SGO2: variants seen among roughly 807,000 people sequenced by gnomAD.
SGO2 encodes shugoshin 2.
A neutral mutation model predicts 99.5 loss-of-function variants in SGO2; 68 were observed. The observed-to-expected ratio is 0.68, with a 90% CI of 0.56 to 0.84. The LOEUF is 0.84. Among genes scored for constraint, SGO2 ranks in the 40% least tolerant of loss-of-function variants. The pLI is 0.00. For missense variants in SGO2, 1,350 were observed against 1,436.7 expected, an observed-to-expected ratio of 0.94 and a Z score of 0.97; for synonymous variants, 457 against 487.1, an observed-to-expected ratio of 0.94 and a Z score of 0.81.
In SGO2 at chr2:200,573,560, GTAAA is replaced by G. The variant is rs2033538996; in HGVS notation, c.3219_3222del (p.Asn1073LysfsTer2). 2 of 1,606,252 alleles carry G rather than the reference GTAAA, an allele frequency of 1.2e-6. No individual in the cohort carries two copies. Among genetic ancestry groups the G allele is most frequent in the Non-Finnish European group, 8.5e-7 (1 of 1,177,850 alleles). ...AGAAGGAGAGTGTCAGGTTAAAAAG[GTAAA>G]TAAAATGACATCTAAGTCAAAGAAA... is the stretch of plus-strand genomic sequence containing the variant. On this transcript the variant is annotated frameshift_variant, in exon 7 of 9. Coordinates refer to ENST00000357799, the MANE Select transcript of SGO2 (RefSeq NM_152524.6). LOFTEE classifies it high-confidence loss of function.
chr2:200,581,935 C>G (rs2033853367), intron 8 of SGO2, among the ~76,000 whole-genome samples: 1 of 152,256 alleles, frequency 6.6e-6, no homozygotes, highest in East Asian at 1.9e-4. Flanking sequence ...ATCACACTGG[C>G]TCTGAAGAGG....
At chr2:200,565,822 A>G (rs1001807451) in intron 5 of SGO2, among the ~76,000 whole-genome samples, 3 of 152,128 alleles carry the variant, frequency 2.0e-5, no homozygotes, top group Non-Finnish European at 4.4e-5. Context: ...TTGATCTTCA[A>G]TCACTGATAC....
chr2:200,576,847 T>C (rs1184114646), intron 8 of SGO2, among the ~76,000 whole-genome samples: 1 of 152,220 alleles, frequency 6.6e-6, no homozygotes, highest in Non-Finnish European at 1.5e-5. Flanking sequence ...TTAAAGTTTC[T>C]TTCATATCAT....
chr2:200,581,589 C>G (rs751730278), intron 8 of SGO2, among the ~76,000 whole-genome samples: 1 of 152,114 alleles, frequency 6.6e-6, no homozygotes, highest in African/African-American at 2.4e-5. Flanking sequence ...CTATGATGAT[C>G]ATTCCATAAT....
rs549205022 is a variant in SGO2 at position 200,528,091 on chromosome 2, T to C, written c.-3+1839T>C. On this transcript the variant is annotated intron_variant, in intron 1 of 8. Coordinates refer to ENST00000357799, the MANE Select transcript of SGO2 (RefSeq NM_152524.6). ...GATTATTGAGCAAGAGAAAGATTAATGAAAAGGATTAGAAAGGTTCACTGA... is the reference window on the plus strand; with the variant it reads ...GATTATTGAGCAAGAGAAAGATTAACGAAAAGGATTAGAAAGGTTCACTGA... Among the ~76,000 whole-genome samples the C allele has an allele frequency of 2.9e-3, 443 of 152,284 alleles. 1 individual carries two copies. The highest frequency in any genetic ancestry group is 0.01 in the African/African-American group (420 of 41,548).
intron 4 of SGO2, among the ~76,000 whole-genome samples, chr2:200,539,321 T>C (rs1009066711): frequency 1.3e-5 from 2 of 152,150 alleles, no homozygotes; most frequent in Non-Finnish European, 2.9e-5. Context: ...GAGTAGTCTG[T>C]CATTATTCTT....
intron 1 of SGO2, among the ~76,000 whole-genome samples, chr2:200,529,594 T>C (rs1215373804): frequency 1.3e-5 from 2 of 152,202 alleles, no homozygotes; most frequent in East Asian, 3.8e-4. Context: ...TTGATCTCAC[T>C]CAGCTCACTG....
At chr2:200,536,964 A>T (rs1434077656) in intron 4 of SGO2, among the ~76,000 whole-genome samples, 3 of 152,098 alleles carry the variant, frequency 2.0e-5, no homozygotes, top group Non-Finnish European at 4.4e-5. Context: ...ATATAAAAAC[A>T]AACAAACAAA....
At chr2:200,538,882 C>CT (rs1574839264) in intron 4 of SGO2, among the ~76,000 whole-genome samples, 1 of 151,734 alleles carries the variant, frequency 6.6e-6, no homozygotes, top group Non-Finnish European at 1.5e-5. Flanking sequence ...CTGCTGAATT[C>CT]TTTTTTGCCA....
At position 200,575,347 on chromosome 2, in the gene SGO2, T is replaced by C. The variant is rs149280869; in HGVS notation, c.3668T>C (p.Phe1223Ser). Reference protein sequence around the residue: ...RPLQDLSNTSFVSNNTAESEN... With the variant: ...RPLQDLSNTSSVSNNTAESEN... ...TTACAGGACTTGTCAAATACCAGTT[T>C]TGTTTCAAATAACACTGCTGAATCT... The change falls in exon 8 of 9, where the codon TTT (phenylalanine) becomes TCT (serine). Residue 1223 changes from phenylalanine to serine, a missense_variant. Transcript: ENST00000357799. 862 of 1,605,546 alleles carry C rather than the reference T, an allele frequency of 5.4e-4. 2 individuals are homozygous for C. In the African/African-American group the frequency reaches 9.7e-3, roughly 18 times the overall value.
intron 5 of SGO2, among the ~76,000 whole-genome samples, chr2:200,558,638 G>A (rs2032814668): frequency 6.6e-6 from 1 of 150,722 alleles, no homozygotes; most frequent in African/African-American, 2.4e-5. Context: ...AATAGATTTT[G>A]TCAGGTTTTT....
chr2:200,576,224 T>C (rs1291322329), intron 8 of SGO2: 3 of 209,726 alleles, frequency 1.4e-5, no homozygotes, highest in South Asian at 9.3e-5. Flanking sequence ...GCCTTTTTTT[T>C]TTCTTTTTTC....
At chr2:200,544,735 C>CTATA (rs917693725) in intron 5 of SGO2, among the ~76,000 whole-genome samples, 1 of 150,778 alleles carries the variant, frequency 6.6e-6, no homozygotes, top group East Asian at 1.9e-4. Flanking sequence ...ATCTATCTAT[C>CTATA]TTTGGCTTCA....
At chr2:200,579,718 C>T (rs13026134) in intron 8 of SGO2, among the ~76,000 whole-genome samples, 119,255 of 152,060 alleles carry the variant, frequency 0.78, 46,888 homozygotes, top group Middle Eastern at 0.82. Flanking sequence ...CACTTGATCA[C>T]GGAGTATGTT....
At chr2:200,545,409 G>A (rs893960825) in intron 5 of SGO2, among the ~76,000 whole-genome samples, 9 of 152,042 alleles carry the variant, frequency 5.9e-5, no homozygotes, top group African/African-American at 1.4e-4. Flanking sequence ...TGTTTGTGGC[G>A]GGGAGGTGTG....
At chr2:200,568,413 GT>G (rs1197630605) in intron 5 of SGO2, among the ~76,000 whole-genome samples, 3 of 152,160 alleles carry the variant, frequency 2.0e-5, no homozygotes, top group African/African-American at 7.2e-5. Context: ...GAGTTTTGAT[GT>G]TTCAATTTTA....
At chr2:200,578,615 C>T (rs2033742212) in intron 8 of SGO2, among the ~76,000 whole-genome samples, 1 of 152,192 alleles carries the variant, frequency 6.6e-6, no homozygotes, top group African/African-American at 2.4e-5. Flanking sequence ...AGCTTCTTGC[C>T]ACACGGCCTC....
intron 5 of SGO2, among the ~76,000 whole-genome samples, chr2:200,568,939 T>C (rs1025389836): frequency 2.0e-5 from 3 of 151,862 alleles, no homozygotes; most frequent in Admixed American, 6.6e-5. Context: ...CCTCAAGTGG[T>C]ATAGAAATTT....
chr2:200,532,282 T>G (rs1209159998), intron 1 of SGO2: 67 of 374,820 alleles, frequency 1.8e-4, no homozygotes, highest in East Asian at 3.4e-4. Context: ...GTTTTTTTTT[T>G]TGTTTTTTTT....
Sources: gnomAD v4.1 joint callset for allele counts (sites outside exome capture counted in the v4.1 genomes callset) on GRCh38, gnomAD v4.1.1 for gene constraint, MANE v1.5 for transcripts, NCBI Gene and HGNC (gene_info 2026-07-23, HGNC 2026-07-21) for gene names.